Variants in NCOA2 observed in about 807,000 individuals in gnomAD.
The protein encoded by NCOA2 is nuclear receptor coactivator 2, also known as class E basic helix-loop-helix protein 75.
Under a neutral mutation model 145.1 loss-of-function variants are expected in NCOA2, and 21 were observed. That is an observed-to-expected ratio of 0.14 (90% CI 0.10 to 0.21). The LOEUF (loss-of-function observed/expected upper bound fraction) is 0.21, where lower values mean the gene tolerates loss of function less well. NCOA2 is among the 10% of genes least tolerant of loss of function. The pLI is 1.00. For missense variants in NCOA2, 1,472 were observed against 1,837.6 expected (o/e 0.80, Z 3.64); for synonymous variants, 619 against 637.5 (o/e 0.97, Z 0.44).
intron 4 of NCOA2, among the ~76,000 whole-genome samples, chr8:70,212,638 A>G (rs1183787594): frequency 2.0e-5 from 3 of 152,228 alleles, no homozygotes; most frequent in Non-Finnish European, 4.4e-5. Flanking sequence ...ATATGCTAAT[A>G]GGTAGCTAGG....
At chr8:70,351,270 G>C (rs1347240369) in intron 1 of NCOA2, among the ~76,000 whole-genome samples, 2 of 152,072 alleles carry the variant, frequency 1.3e-5, no homozygotes, top group African/African-American at 2.4e-5. Flanking sequence ...TTGATATGAA[G>C]AGTAATAGGT....
intron 4 of NCOA2, among the ~76,000 whole-genome samples, chr8:70,212,821 C>T (rs1464123556): frequency 2.0e-5 from 3 of 152,134 alleles, no homozygotes; most frequent in Non-Finnish European, 4.4e-5. Context: ...GTGGCTCACG[C>T]CTGTAATCCC....
At chr8:70,413,816 G>A in the NCOA2 span, among the ~76,000 whole-genome samples, 1 of 151,842 alleles carries the variant, frequency 6.6e-6, no homozygotes, top group Admixed American at 6.6e-5. Context: ...TAAATGCCTC[G>A]GCCCCTGGGT....
Position 70,296,110 on chromosome 8 carries a change from A to T in NCOA2, c.-20+634T>A, listed in dbSNP as rs144672897. 2.3e-3 allele frequency among the ~76,000 whole-genome samples: 351 copies of T among 152,280 alleles called. No homozygotes were observed. In the Middle Eastern group the frequency reaches 0.024, roughly 10 times the overall value. ...CCAGGCACCATCCTAAGTGTTAGGG[A>T]TGCTGTTTTGAACAAGATAGAAATG... On this transcript the variant is annotated intron_variant, in intron 2 of 22. Coordinates refer to ENST00000452400, the MANE Select transcript of NCOA2 (RefSeq NM_006540.4).
At chr8:70,120,581 C>A (rs1807687158) in intron 22 of NCOA2, among the ~76,000 whole-genome samples, 1 of 152,048 alleles carries the variant, frequency 6.6e-6, no homozygotes, top group Non-Finnish European at 1.5e-5. Flanking sequence ...ATTAGCCAGG[C>A]ATGGTGGCAT....
Position 70,112,975 on chromosome 8 carries a change from G to A in NCOA2, c.*657C>T, listed in dbSNP as rs914433100. 1 of 199,324 alleles carries A rather than the reference G, an allele frequency of 5.0e-6. No individual in the cohort carries two copies. Among genetic ancestry groups the A allele is most frequent in the Non-Finnish European group, 1.0e-5 (1 of 96,548 alleles). 12.3% of individuals were successfully genotyped at this position (199,324 alleles called of 1,614,324 possible). A position where few individuals can be genotyped will look rare whatever the true frequency, so the allele number is the denominator to read the frequency against. ...TGCTAATGTTAACAGCCCTCTCACA[G>A]GCTCCTTTTCATCTGTTCAGTAACT... On this transcript the variant is annotated 3_prime_UTR_variant, in exon 23 of 23. Transcript: ENST00000452400.
Position 70,356,495 on chromosome 8 carries a change from TA to T in NCOA2, c.-77+47204del, listed in dbSNP as rs1199065734. Reference sequence around the variant, plus strand: ...CAGAAACTACTGAACCAATGATTTTTAAAAAGGACAAGTGGAGAATAAAGGC... The same window carrying T: ...CAGAAACTACTGAACCAATGATTTTTAAAAGGACAAGTGGAGAATAAAGGC... On this transcript the variant is annotated intron_variant, in intron 1 of 22. Coordinates refer to ENST00000452400, the MANE Select transcript of NCOA2 (RefSeq NM_006540.4). Among the ~76,000 whole-genome samples the T allele has an allele frequency of 2.6e-5, 4 of 152,342 alleles. No homozygotes were observed. The East Asian group carries it at 7.7e-4, about 29-fold the overall frequency.
the NCOA2 span, among the ~76,000 whole-genome samples, chr8:70,427,437 T>A: frequency 6.6e-6 from 1 of 152,314 alleles, no homozygotes; most frequent in East Asian, 1.9e-4. Flanking sequence ...GTGTAACACC[T>A]TTTCATTTAC....
At chr8:70,182,792 C>T (rs1815636665) in intron 4 of NCOA2, among the ~76,000 whole-genome samples, 1 of 152,084 alleles carries the variant, frequency 6.6e-6, no homozygotes, top group Non-Finnish European at 1.5e-5. Flanking sequence ...TCCTGCACCT[C>T]ACAGTTCATG....
chr8:70,313,841 T>C (rs1805321802), intron 1 of NCOA2, among the ~76,000 whole-genome samples: 1 of 152,100 alleles, frequency 6.6e-6, no homozygotes, highest in South Asian at 2.1e-4. Context: ...CAGAAGGTGA[T>C]CTGTTAACCA....
intron 1 of NCOA2, among the ~76,000 whole-genome samples, chr8:70,324,561 C>T (rs1806384291): frequency 6.6e-6 from 1 of 151,854 alleles, no homozygotes; most frequent in Admixed American, 6.6e-5. Flanking sequence ...AGGCTGGTCT[C>T]AAACTCCTGC....
chr8:70,207,373 G>A (rs1191673483), intron 4 of NCOA2, among the ~76,000 whole-genome samples: 1 of 151,984 alleles, frequency 6.6e-6, no homozygotes, highest in Non-Finnish European at 1.5e-5. Context: ...CTCTTTATCT[G>A]AAAGCTGTTA....
intron 1 of NCOA2, among the ~76,000 whole-genome samples, chr8:70,392,456 T>G (rs1325454953): frequency 1.3e-5 from 2 of 152,162 alleles, no homozygotes; most frequent in African/African-American, 4.8e-5. Context: ...AAGGAGAAAT[T>G]TGGGAAGAAC....
At chr8:70,195,903 A>G (rs1465881834) in intron 4 of NCOA2, among the ~76,000 whole-genome samples, 1 of 152,198 alleles carries the variant, frequency 6.6e-6, no homozygotes, top group African/African-American at 2.4e-5. Flanking sequence ...AACTACAGCC[A>G]CCTGTGAGAA....
chr8:70,289,617 C>T (rs1826510908), intron 2 of NCOA2, among the ~76,000 whole-genome samples: 2 of 151,708 alleles, frequency 1.3e-5, no homozygotes, highest in African/African-American at 2.4e-5. Flanking sequence ...GTAACTGGCA[C>T]CAAAAAAGCC....
At chr8:70,140,878 T>C (rs544406171) in intron 14 of NCOA2, among the ~76,000 whole-genome samples, 3 of 150,698 alleles carry the variant, frequency 2.0e-5, no homozygotes, top group Non-Finnish European at 4.4e-5. Flanking sequence ...ATTACAAGCG[T>C]GAGTCACCGT....
chr8:70,198,555 A>C lies in NCOA2; in HGVS notation c.259+15348T>G, dbSNP rs145288278. 2.1e-3 allele frequency among the ~76,000 whole-genome samples: 323 copies of C among 152,356 alleles called. 2 individuals are homozygous for C. Among genetic ancestry groups the C allele is most frequent in the Admixed American group, 0.018 (273 of 15,308 alleles). ...ATGGTGATAGCAGCGGGGATGGATT[A>C]TAGAAGGTAAAGAAGCAGAGATGAG... On this transcript the variant is annotated intron_variant, in intron 4 of 22. Coordinates refer to ENST00000452400, the MANE Select transcript of NCOA2 (RefSeq NM_006540.4).
intron 11 of NCOA2, among the ~76,000 whole-genome samples, chr8:70,150,150 C>A (rs1338613248): frequency 6.6e-6 from 1 of 152,194 alleles, no homozygotes; most frequent in Admixed American, 6.5e-5. Context: ...ATTTTCCTAA[C>A]GCATTGTTAG....
Position 70,124,000 on chromosome 8 carries a change from A to T in NCOA2, c.4177T>A (p.Ser1393Thr), listed in dbSNP as rs1041056642. The T allele has an allele frequency of 1.2e-6, 2 of 1,613,964 alleles. No individual in the cohort carries two copies. Among genetic ancestry groups the T allele is most frequent in the Non-Finnish European group, 1.7e-6 (2 of 1,179,878 alleles). Residue 1393 changes from serine (S) to threonine (T), a missense_variant, in exon 21 of 23, where the codon TCC becomes ACC. By Grantham distance (58) the Ser-to-Thr change is moderately conservative. This residue lies in a region of NCOA2 where 232 missense variants were observed against 290.6 expected (regional missense o/e 0.80). Transcript: ENST00000452400. ...ATGCCACCTGTGTTGGTCGCCATGG[A>T]CACATTGATGTTCATGTTGTTACTG... Reference protein sequence around the residue: ...MYSNNMNINVSMATNTGGMSS... With the variant: ...MYSNNMNINVTMATNTGGMSS...
Sources: allele counts gnomAD v4.1 joint callset (sites outside exome capture counted in the v4.1 genomes callset), GRCh38; gene constraint gnomAD v4.1.1; regional missense constraint gnomAD v4.1.1; transcripts MANE v1.5; gene names NCBI Gene and HGNC (gene_info 2026-07-23, HGNC 2026-07-21).